The following PEAK1 variants were observed in gnomAD, a reference collection of about 807,000 sequenced individuals.
PEAK1 encodes pseudopodium enriched atypical kinase 1, also known as inactive tyrosine-protein kinase PEAK1.
PEAK1 carries 54 observed loss-of-function variants against 124.7 expected under a neutral mutation model. The observed-to-expected ratio is 0.43, with a 90% confidence interval of 0.35 to 0.54. PEAK1 has a LOEUF of 0.54. Ranked by LOEUF, PEAK1 falls within the 20% of genes least tolerant of loss-of-function variation. PEAK1 has a pLI of 0.01. For missense variants in PEAK1, 2,046 were observed against 2,134.5 expected, an observed-to-expected ratio of 0.96 and a Z score of 0.82; for synonymous variants, 719 against 760.0, an observed-to-expected ratio of 0.95 and a Z score of 0.89.
Position 77,153,929 on chromosome 15 carries a change from T to C in PEAK1, c.3331+4574A>G, listed in dbSNP as rs149656625. ...ACTATGTGGTCAGTTTTGGAATAGGTGTGGTGTGGTGCTGAAAAAAATGTA... is the reference window on the plus strand; with the variant it reads ...ACTATGTGGTCAGTTTTGGAATAGGCGTGGTGTGGTGCTGAAAAAAATGTA... On this transcript the variant is annotated intron_variant, in intron 8 of 9. Coordinates refer to ENST00000682557, the MANE Select transcript of PEAK1 (RefSeq NM_001385026.1). Among the ~76,000 whole-genome samples, 75 of 152,278 alleles carry C rather than the reference T, an allele frequency of 4.9e-4. 1 individual carries two copies. Among genetic ancestry groups the C allele is most frequent in the African/African-American group, 1.7e-3 (71 of 41,538 alleles).
chr15:77,274,654 T>TA (rs796774412), intron 5 of PEAK1, among the ~76,000 whole-genome samples: 2 of 151,330 alleles, frequency 1.3e-5, no homozygotes, highest in South Asian at 2.1e-4. Context: ...AATCAAAAAA[T>TA]AAAAAAACAT....
chr15:77,371,946 C>T (rs943229189), intron 1 of PEAK1, among the ~76,000 whole-genome samples: 3 of 152,196 alleles, frequency 2.0e-5, no homozygotes, highest in Non-Finnish European at 2.9e-5. Flanking sequence ...TTGTATTTCA[C>T]GTAATTCCTA....
chr15:77,403,001 T>C (rs2071504006), intron 1 of PEAK1: 2 of 985,290 alleles, frequency 2.0e-6, no homozygotes, highest in Non-Finnish European at 2.4e-6. Context: ...TGCATTATGA[T>C]TTTGTTATAC....
In PEAK1 at chr15:77,114,080, T is replaced by G; in HGVS notation, c.*76A>C. 1 of 1,445,284 alleles carries G rather than the reference T, an allele frequency of 6.9e-7. No homozygotes were observed. Among genetic ancestry groups the G allele is most frequent in the South Asian group, 1.3e-5 (1 of 78,902 alleles). The allele number at this position is 1,445,284 out of a possible 1,614,324, so 89.5% of individuals were successfully genotyped here. A position where few individuals can be genotyped will look rare whatever the true frequency, so the allele number is the denominator to read the frequency against. On this transcript the variant is annotated 3_prime_UTR_variant, in exon 10 of 10. Transcript: ENST00000682557. ...CTTTCTTCTTTCCTTGAATTTGGAG[T>G]GAGCACTAGGGAGGGGAAGTGCATG...
intron 2 of PEAK1, among the ~76,000 whole-genome samples, chr15:77,324,430 G>C (rs936752483): frequency 6.6e-6 from 1 of 152,106 alleles, no homozygotes; most frequent in Non-Finnish European, 1.5e-5. Flanking sequence ...GCTGTGAGCT[G>C]AGATCACACC....
intron 2 of PEAK1, chr15:77,338,011 A>G: frequency 1.0e-6 from 1 of 983,978 alleles, no homozygotes; most frequent in Non-Finnish European, 1.2e-6. Flanking sequence ...CTTGAGGTAA[A>G]AAGAGGTCAT....
intron 2 of PEAK1, among the ~76,000 whole-genome samples, chr15:77,343,923 G>A (rs2066707329): frequency 6.6e-6 from 1 of 152,060 alleles, no homozygotes; most frequent in Non-Finnish European, 1.5e-5. Context: ...TGTTGGGTTA[G>A]TTTTCTGTAT....
intron 1 of PEAK1, among the ~76,000 whole-genome samples, chr15:77,368,987 T>C (rs183292643): frequency 2.0e-5 from 3 of 152,344 alleles, no homozygotes; most frequent in Admixed American, 1.3e-4. Context: ...AACTATACAA[T>C]ATGTTGCCTT....
At chr15:77,239,863 A>C (rs1394376134) in intron 6 of PEAK1, 2 of 984,564 alleles carry the variant, frequency 2.0e-6, no homozygotes. Flanking sequence ...GCTCAATTCC[A>C]CATTTCCAAA....
At chr15:77,239,826 G>A (rs2060276841) in intron 6 of PEAK1, 1 of 984,570 alleles carries the variant, frequency 1.0e-6, no homozygotes, top group African/African-American at 1.7e-5. Flanking sequence ...ATCTTTCAAA[G>A]ACCACTCTCT....
Position 77,298,197 on chromosome 15 carries a change from A to ATTTTT in PEAK1, c.-602-11698_-602-11694dup, listed in dbSNP as rs749000554. On this transcript the variant is annotated intron_variant, in intron 2 of 9. Transcript: ENST00000682557. ...TAGCTTCTTTTGTTTGGTATCCTTA[A>ATTTTT]TTTTTTTTTTTTTTTTTTTTTTTTT... 1.5e-3 allele frequency among the ~76,000 whole-genome samples: 58 copies of ATTTTT among 37,822 alleles called. 11 individuals carry two copies. The highest frequency in any genetic ancestry group is 4.5e-3 in the African/African-American group (33 of 7,414). The allele number at this position is 37,822 out of a possible 152,430, so 24.8% of individuals were successfully genotyped here.
chr15:77,281,663 C>G (rs2062681489), intron 5 of PEAK1, among the ~76,000 whole-genome samples: 1 of 152,068 alleles, frequency 6.6e-6, no homozygotes, highest in Non-Finnish European at 1.5e-5. Flanking sequence ...TTCAACAATA[C>G]TCTCAATTTT....
chr15:77,313,529 C>A (rs1208975769), intron 2 of PEAK1, among the ~76,000 whole-genome samples: 1 of 151,384 alleles, frequency 6.6e-6, no homozygotes, highest in Non-Finnish European at 1.5e-5. Flanking sequence ...TGCAATGGCG[C>A]GAACTCGGCT....
chr15:77,278,372 A>C (rs538515928), intron 5 of PEAK1: 9 of 272,654 alleles, frequency 3.3e-5, no homozygotes, highest in African/African-American at 1.8e-4. Flanking sequence ...AATTCAATTT[A>C]TAGGAGCAGT....
At chr15:77,371,095 CT>C in intron 1 of PEAK1, 1 of 938,914 alleles carries the variant, frequency 1.1e-6, no homozygotes, top group Middle Eastern at 5.5e-4. Flanking sequence ...AATATAAATT[CT>C]GTGACTTTAA....
intron 5 of PEAK1, among the ~76,000 whole-genome samples, chr15:77,253,893 A>G (rs556505794): frequency 6.6e-6 from 1 of 152,302 alleles, no homozygotes; most frequent in African/African-American, 2.4e-5. Context: ...ATATTGGCTC[A>G]CTGCAACATC....
intron 9 of PEAK1, among the ~76,000 whole-genome samples, chr15:77,129,967 G>GCC (rs2052718093): frequency 6.6e-6 from 1 of 152,104 alleles, no homozygotes; most frequent in Admixed American, 6.5e-5. Context: ...GGCACTTCTG[G>GCC]CAATACCAGA....
chr15:77,172,965 G>A (rs566149698), intron 7 of PEAK1, among the ~76,000 whole-genome samples: 1 of 152,128 alleles, frequency 6.6e-6, no homozygotes, highest in African/African-American at 2.4e-5. Context: ...TGTTACCTAG[G>A]CTGGTCTTGA....
intron 6 of PEAK1, among the ~76,000 whole-genome samples, chr15:77,193,404 T>C (rs1184138945): frequency 1.3e-5 from 2 of 152,358 alleles, no homozygotes; most frequent in East Asian, 1.9e-4. Context: ...TAATGAATTA[T>C]AGCTGTCTCT....
Sources: gnomAD v4.1 joint callset for allele counts (sites outside exome capture counted in the v4.1 genomes callset) on GRCh38, gnomAD v4.1.1 for gene constraint, MANE v1.5 for transcripts, NCBI Gene and HGNC (gene_info 2026-07-23, HGNC 2026-07-21) for gene names.